Variants in CPNE8 observed in about 807,000 individuals in gnomAD.
CPNE8 encodes the protein copine-8.
A neutral mutation model predicts 81.5 loss-of-function variants in CPNE8; 45 were observed. The observed-to-expected ratio is 0.55, with a 90% CI of 0.44 to 0.71. CPNE8 has a LOEUF of 0.71. CPNE8 is among the 30% of genes least tolerant of loss of function. The pLI, the probability that CPNE8 is intolerant of heterozygous loss-of-function variation, is 0.00. For synonymous variants in CPNE8, 252 were observed against 226.3 expected (o/e 1.11, Z -1.02); for missense variants, 594 against 672.1 (o/e 0.88, Z 1.28).
chr12:38,710,875 T>C (rs916058304), intron 13 of CPNE8, among the ~76,000 whole-genome samples: 7 of 152,212 alleles, frequency 4.6e-5, no homozygotes, highest in Non-Finnish European at 8.8e-5. Flanking sequence ...CTAAGCAATG[T>C]CCGTGATAAA....
intron 3 of CPNE8, among the ~76,000 whole-genome samples, chr12:38,872,252 G>A (rs1229611657): frequency 6.6e-6 from 1 of 152,146 alleles, no homozygotes; most frequent in Non-Finnish European, 1.5e-5. Flanking sequence ...CAGGTTTTAA[G>A]AATAAATTAA....
intron 7 of CPNE8, among the ~76,000 whole-genome samples, chr12:38,770,225 G>A (rs1450849247): frequency 6.6e-6 from 1 of 152,058 alleles, no homozygotes; most frequent in East Asian, 1.9e-4. Context: ...CCATAAACTT[G>A]CTTCTCCTAT....
At chr12:38,688,604 T>C (rs1160104333) in intron 15 of CPNE8, among the ~76,000 whole-genome samples, 2 of 151,332 alleles carry the variant, frequency 1.3e-5, no homozygotes, top group African/African-American at 4.8e-5. Context: ...ATGTGGTGTG[T>C]GTGTGTGTGT....
intron 3 of CPNE8, among the ~76,000 whole-genome samples, chr12:38,849,391 C>G (rs9943730): frequency 0.14 from 21,221 of 152,166 alleles, 2,402 homozygotes; most frequent in African/African-American, 0.31. Flanking sequence ...CATCTCTTTT[C>G]TATCCTTGGC....
intron 13 of CPNE8, among the ~76,000 whole-genome samples, chr12:38,703,823 A>C (rs1940017381): frequency 6.6e-6 from 1 of 152,148 alleles, no homozygotes; most frequent in South Asian, 2.1e-4. Context: ...GGGCCAAATG[A>C]AGAATGCAAT....
chr12:38,800,065 C>T (rs1942619777), intron 6 of CPNE8, among the ~76,000 whole-genome samples: 2 of 128,500 alleles, frequency 1.6e-5, no homozygotes, highest in South Asian at 6.2e-4. Flanking sequence ...TGCAAGGCGG[C>T]AACGAGGCTG....
intron 11 of CPNE8, among the ~76,000 whole-genome samples, chr12:38,725,383 G>A (rs1430061389): frequency 6.6e-6 from 1 of 152,034 alleles, no homozygotes; most frequent in Non-Finnish European, 1.5e-5. Context: ...ATAATAATTG[G>A]TAAAGGTCTG....
intron 13 of CPNE8, among the ~76,000 whole-genome samples, chr12:38,715,710 G>A (rs923585113): frequency 5.3e-5 from 8 of 152,032 alleles, no homozygotes; most frequent in African/African-American, 1.9e-4. Context: ...AAAGTTGAAA[G>A]CATTCCCCCT....
intron 1 of CPNE8, among the ~76,000 whole-genome samples, chr12:38,882,422 A>G (rs1944174296): frequency 6.6e-6 from 1 of 152,198 alleles, no homozygotes; most frequent in African/African-American, 2.4e-5. Flanking sequence ...CCTTGATTTC[A>G]GCCCGGCAAT....
At chr12:38,861,106 C>A (rs1486627847) in intron 3 of CPNE8, among the ~76,000 whole-genome samples, 1 of 152,038 alleles carries the variant, frequency 6.6e-6, no homozygotes, top group Non-Finnish European at 1.5e-5. Flanking sequence ...ACCTGGAGGA[C>A]ATTATATTAA....
chr12:38,676,386 A>T (rs765075501), intron 17 of CPNE8: 59 of 770,320 alleles, frequency 7.7e-5, no homozygotes, highest in Non-Finnish European at 9.0e-5. Flanking sequence ...ACTCTCAGAC[A>T]AAACCTTTCT....
At chr12:38,661,530 AAACC>A (rs1938952184) in intron 19 of CPNE8, among the ~76,000 whole-genome samples, 1 of 152,110 alleles carries the variant, frequency 6.6e-6, no homozygotes, top group Non-Finnish European at 1.5e-5. Context: ...TGGGTGCAGC[AAACC>A]AACATGGCAC....
chr12:38,834,584 A>T (rs1325850594), intron 5 of CPNE8, among the ~76,000 whole-genome samples: 3 of 152,210 alleles, frequency 2.0e-5, no homozygotes, highest in Non-Finnish European at 2.9e-5. Flanking sequence ...TTGCTCACCC[A>T]GTCAAACTAC....
chr12:38,810,095 CAGA>C (rs955044429), intron 6 of CPNE8, among the ~76,000 whole-genome samples: 1 of 152,062 alleles, frequency 6.6e-6, no homozygotes, highest in Non-Finnish European at 1.5e-5. Flanking sequence ...TGTTTCCTGC[CAGA>C]AGAAGTTGGA....
chr12:38,806,157 T>C (rs10444548), intron 6 of CPNE8, among the ~76,000 whole-genome samples: 142,831 of 149,902 alleles, frequency 0.95, 68,403 homozygotes, highest in East Asian at 1. Flanking sequence ...GATTCACAGC[T>C]GAATTCTACC....
intron 6 of CPNE8, among the ~76,000 whole-genome samples, chr12:38,809,364 A>G (rs1320926568): frequency 6.6e-6 from 1 of 152,188 alleles, no homozygotes; most frequent in Non-Finnish European, 1.5e-5. Flanking sequence ...CTCTCACTCT[A>G]CAAGTGTCTA....
chr12:38,900,847 A>T (rs1944451961), intron 1 of CPNE8, among the ~76,000 whole-genome samples: 1 of 152,196 alleles, frequency 6.6e-6, no homozygotes, highest in Non-Finnish European at 1.5e-5. Context: ...CAGGTCAGGA[A>T]GGGCTTTTTA....
chr12:38,795,796 G>A (rs1348304635), intron 6 of CPNE8, among the ~76,000 whole-genome samples: 5 of 151,836 alleles, frequency 3.3e-5, no homozygotes, highest in Non-Finnish European at 7.4e-5. Context: ...CTGTCTCATG[G>A]CAATGTGAAT....
chr12:38,661,464 G>A (rs1468184870), intron 19 of CPNE8, among the ~76,000 whole-genome samples: 1 of 152,036 alleles, frequency 6.6e-6, no homozygotes, highest in Non-Finnish European at 1.5e-5. Flanking sequence ...GTTGGGGGTG[G>A]GGGACGTGGG....
Sources: gnomAD v4.1 joint callset for allele counts (sites outside exome capture counted in the v4.1 genomes callset) on GRCh38, gnomAD v4.1.1 for gene constraint, MANE v1.5 for transcripts, NCBI Gene and HGNC (gene_info 2026-07-23, HGNC 2026-07-21) for gene names.